Variants in ZFYVE27 observed in about 807,000 individuals in gnomAD.
ZFYVE27 encodes the protein protrudin.
In ZFYVE27, 36 loss-of-function variants were observed where a neutral mutation model predicts 52.8. The observed-to-expected ratio is 0.68, with a 90% CI of 0.52 to 0.90. The LOEUF (loss-of-function observed/expected upper bound fraction) is 0.90. ZFYVE27 is among the 40% of genes least tolerant of loss of function. The pLI is 0.00. For synonymous variants in ZFYVE27, 223 were observed against 215.6 expected (o/e 1.03, Z -0.30); for missense variants, 450 against 527.2 (o/e 0.85, Z 1.43).
At position 97,743,139 on chromosome 10, in the gene ZFYVE27, C is replaced by T. The variant is rs766182475; in HGVS notation, c.243C>T (p.Asn81=). The change falls in exon 3 of 13, where the codon AAC becomes AAT. Residue 81 remains asparagine, a synonymous_variant. Coordinates refer to ENST00000684270, the MANE Select transcript of ZFYVE27 (RefSeq NM_001385875.1). ...LCSLLTCLGL[N]VLFLTLNEGA... ...CCTTGCTGACCTGCCTGGGCCTCAA[C>T]GTCTTGTTCCTCACTTTGAATGAGG... 15 of 1,614,208 alleles carry T rather than the reference C, an allele frequency of 9.3e-6. No homozygotes were observed. The highest frequency in any genetic ancestry group is 7.7e-5 in the South Asian group (7 of 91,088).
intron 4 of ZFYVE27, among the ~76,000 whole-genome samples, chr10:97,747,032 A>G (rs915693450): frequency 6.6e-6 from 1 of 152,152 alleles, no homozygotes; most frequent in Non-Finnish European, 1.5e-5. Context: ...CTGGGATCCA[A>G]TTCAGGATTA....
At chr10:97,744,308 C>T (rs185865244) in intron 3 of ZFYVE27, among the ~76,000 whole-genome samples, 5 of 152,344 alleles carry the variant, frequency 3.3e-5, no homozygotes, top group Admixed American at 6.5e-5. Context: ...AAAAGCTGAA[C>T]GAAAGGCTTC....
rs12570034 is a variant in ZFYVE27, at chr10:97,757,795, C to T, written c.1171+72C>T. 2.2e-3 allele frequency: 3,361 copies of T among 1,505,384 alleles called. 83 individuals carry two copies. The East Asian group carries it at 0.053, about 24-fold the overall frequency. The allele number at this position is 1,505,384 out of a possible 1,614,324, so 93.3% of individuals were successfully genotyped here. Reference sequence around the variant, plus strand: ...GGGATGTCACGCTGTGGCACAGAGGCAAGGGTGTCAGAGGTCAAGGGAACT... The same window carrying T: ...GGGATGTCACGCTGTGGCACAGAGGTAAGGGTGTCAGAGGTCAAGGGAACT... On this transcript the variant is annotated intron_variant, in intron 12 of 12. Coordinates refer to ENST00000684270, the MANE Select transcript of ZFYVE27 (RefSeq NM_001385875.1).
Position 97,751,734 on chromosome 10 carries a change from G to A in ZFYVE27, c.876+272G>A, listed in dbSNP as rs1249019347. ...TGGACGATTTCTGGCCTTTGCTGGA[G>A]ACCGTGGGCTTGGTGCCTTTGATAT... On this transcript the variant is annotated intron_variant, in intron 8 of 12. Coordinates refer to ENST00000684270, the MANE Select transcript of ZFYVE27 (RefSeq NM_001385875.1). Among the ~76,000 whole-genome samples, 5 of 152,274 alleles carry A rather than the reference G, an allele frequency of 3.3e-5. No homozygotes were observed. In the East Asian group the frequency reaches 7.7e-4, roughly 24 times the overall value.
chr10:97,757,617 A>G (rs1431511317), intron 11 of ZFYVE27, 25 bp from the exon 12 acceptor site: 11 of 1,613,244 alleles, frequency 6.8e-6, no homozygotes, highest in Non-Finnish European at 8.5e-6. Context: ...TGAGGGACAC[A>G]TCTGACCTTG....
rs190501688 is a variant in ZFYVE27, at chr10:97,755,505, T to C, written c.1043-1760T>C. ...ACAGCACCTTCTCACTGTGTCCTCATGAGAAGGTGGGAGGGGCACGGCAGT... is the reference window on the plus strand; with the variant it reads ...ACAGCACCTTCTCACTGTGTCCTCACGAGAAGGTGGGAGGGGCACGGCAGT... On this transcript the variant is annotated intron_variant, in intron 10 of 12. Coordinates refer to ENST00000684270, the MANE Select transcript of ZFYVE27 (RefSeq NM_001385875.1). Among the ~76,000 whole-genome samples, 681 of 152,276 alleles carry C rather than the reference T, an allele frequency of 4.5e-3. 3 individuals carry two copies. The highest frequency in any genetic ancestry group is 6.9e-3 in the Non-Finnish European group (468 of 68,012).
At chr10:97,737,873 C>T (rs1034790772) in intron 1 of ZFYVE27, among the ~76,000 whole-genome samples, 6 of 152,178 alleles carry the variant, frequency 3.9e-5, no homozygotes, top group Admixed American at 3.9e-4. Context: ...GAGGATCGGG[C>T]GAGAGTCCTG....
At chr10:97,739,864 TTTGA>T (rs2043125913) in intron 2 of ZFYVE27, among the ~76,000 whole-genome samples, 2 of 144,786 alleles carry the variant, frequency 1.4e-5, no homozygotes, top group Admixed American at 6.9e-5. Context: ...AAAGGTTGGA[TTTGA>T]TTGAAGTTAG....
chr10:97,747,546 T>A (rs1406892000), intron 4 of ZFYVE27, among the ~76,000 whole-genome samples: 5 of 152,240 alleles, frequency 3.3e-5, no homozygotes, highest in Non-Finnish European at 7.3e-5. Flanking sequence ...CAGTATGAAC[T>A]CATAGATTTA....
intron 2 of ZFYVE27, 96 bp downstream of exon 2, chr10:97,738,770 C>A: frequency 7.1e-7 from 1 of 1,403,784 alleles, no homozygotes; most frequent in Non-Finnish European, 1.0e-6. Flanking sequence ...GCTGGGCTGT[C>A]CTTTCTGCCC....
At chr10:97,737,572 C>T (rs1297456790) in intron 1 of ZFYVE27, among the ~76,000 whole-genome samples, 1 of 147,450 alleles carries the variant, frequency 6.8e-6, no homozygotes, top group East Asian at 1.9e-4. Context: ...CGCCTTGGCT[C>T]GGCCTGCGGG....
At position 97,738,526 on chromosome 10, in the gene ZFYVE27, G is replaced by A. The variant is rs148694071; in HGVS notation, c.49G>A (p.Val17Met). The A allele has an allele frequency of 6.5e-5, 105 of 1,614,078 alleles. No homozygotes were observed. The highest frequency in any genetic ancestry group is 2.7e-4 in the African/African-American group (20 of 74,928). Residue 17 changes from valine to methionine, a missense_variant, in exon 2 of 13, where the codon GTG (valine) becomes ATG (methionine). Coordinates refer to ENST00000684270, the MANE Select transcript of ZFYVE27 (RefSeq NM_001385875.1). ...GAGTGGGCCGGAGCTGAGCCCCAGC[G>A]TGATGCCCGAGGCTCCCCTGGAGTC... ...EGSGPELSPS[V>M]MPEAPLESPP...
At chr10:97,748,413 T>G in intron 5 of ZFYVE27, 49 bp downstream of exon 5, 1 of 1,589,168 alleles carries the variant, frequency 6.3e-7, no homozygotes, top group South Asian at 1.1e-5. Flanking sequence ...ATTTGCAGCT[T>G]GAGCCCGAGC....
chr10:97,744,653 A>G, intron 3 of ZFYVE27, 76 bp from the exon 4 acceptor site: 1 of 1,563,310 alleles, frequency 6.4e-7, no homozygotes, highest in Non-Finnish European at 8.7e-7. Flanking sequence ...GGTGAGGAAC[A>G]AGCAGTGGGC....
At chr10:97,749,670 C>T in intron 6 of ZFYVE27, 84 bp downstream of exon 6, 1 of 1,113,654 alleles carries the variant, frequency 9.0e-7, no homozygotes, top group Non-Finnish European at 1.4e-6. Flanking sequence ...GTCTCTACAG[C>T]TAATCATCAG....
At chr10:97,745,027 C>T in intron 4 of ZFYVE27, 112 bp downstream of exon 4, 1 of 1,243,054 alleles carries the variant, frequency 8.0e-7, no homozygotes, top group Non-Finnish European at 1.1e-6. Flanking sequence ...GCTGTTACTT[C>T]ATTTAACCTT....
At chr10:97,740,506 C>T (rs185189921) in intron 2 of ZFYVE27, among the ~76,000 whole-genome samples, 30 of 152,238 alleles carry the variant, frequency 2.0e-4, no homozygotes, top group Admixed American at 9.2e-4. Context: ...TGGCAAAGTA[C>T]GAAAGTTAAG....
Position 97,750,324 on chromosome 10 carries a change from T to G in ZFYVE27, c.665-7T>G, listed in dbSNP as rs2046599481. On this transcript the variant is annotated splice_region_variant and splice_polypyrimidine_tract_variant and intron_variant, in intron 6 of 12. Transcript: ENST00000684270. ...GCCTCCTACCTTGTTCTCCATTCCC[T>G]GGGTAGTTGTGTCTGAGTACAGGGC... is the stretch of plus-strand genomic sequence containing the variant. 6.2e-7 allele frequency: 1 copy of G among 1,613,898 alleles called. No individual in the cohort carries two copies. Among genetic ancestry groups the G allele is most frequent in the African/African-American group, 1.3e-5 (1 of 74,928 alleles).
chr10:97,754,293 C>T (rs182036087), intron 10 of ZFYVE27, among the ~76,000 whole-genome samples: 11 of 149,870 alleles, frequency 7.3e-5, no homozygotes, highest in African/African-American at 2.7e-4. Context: ...GTGTGAATGT[C>T]CCCCAGTTAT....
Sources: allele counts gnomAD v4.1 joint callset (sites outside exome capture counted in the v4.1 genomes callset), GRCh38; gene constraint gnomAD v4.1.1; transcripts MANE v1.5; gene names NCBI Gene and HGNC (gene_info 2026-07-23, HGNC 2026-07-21).